The following OSBPL1A variants were observed in gnomAD, a reference collection of about 807,000 sequenced individuals.
The protein encoded by OSBPL1A is oxysterol-binding protein-related protein 1.
A neutral mutation model predicts 137.1 loss-of-function variants in OSBPL1A; 80 were observed. The observed-to-expected ratio is 0.58, with a 90% CI of 0.49 to 0.70. The LOEUF (loss-of-function observed/expected upper bound fraction) is 0.70, where lower values mean the gene tolerates loss of function less well. Among genes scored for constraint, OSBPL1A ranks in the 30% least tolerant of loss-of-function variants. OSBPL1A has a pLI of 0.00. For missense variants in OSBPL1A, 970 were observed against 1,129.4 expected (o/e 0.86, Z 2.02); for synonymous variants, 365 against 389.7 (o/e 0.94, Z 0.75).
intron 4 of OSBPL1A, among the ~76,000 whole-genome samples, chr18:24,348,402 G>GTAT (rs1008545309): frequency 2.0e-5 from 3 of 152,034 alleles, no homozygotes; most frequent in African/African-American, 7.2e-5. Flanking sequence ...TACGAGGAAG[G>GTAT]TATTATTATT....
At chr18:24,389,418 CT>C (rs1400955513) in intron 1 of OSBPL1A, among the ~76,000 whole-genome samples, 1 of 152,040 alleles carries the variant, frequency 6.6e-6, no homozygotes, top group African/African-American at 2.4e-5. Flanking sequence ...ATTTTGTTGC[CT>C]TATAAATATC....
chr18:24,294,839 C>T (rs1044480759), intron 14 of OSBPL1A, among the ~76,000 whole-genome samples: 5 of 152,196 alleles, frequency 3.3e-5, no homozygotes, highest in African/African-American at 1.2e-4. Context: ...GTTGGTCCCA[C>T]ATCTTTTGCA....
intron 14 of OSBPL1A, among the ~76,000 whole-genome samples, chr18:24,284,767 T>C (rs1242601745): frequency 6.6e-6 from 1 of 151,812 alleles, no homozygotes; most frequent in Non-Finnish European, 1.5e-5. Flanking sequence ...TATTGGATGT[T>C]GAATGCTGAA....
chr18:24,346,716 A>C (rs1275957077), intron 4 of OSBPL1A, among the ~76,000 whole-genome samples: 3 of 152,130 alleles, frequency 2.0e-5, no homozygotes, highest in African/African-American at 7.2e-5. Context: ...TAACTAATGA[A>C]TATTCGAGTC....
At chr18:24,287,415 G>A (rs2090084337) in intron 14 of OSBPL1A, among the ~76,000 whole-genome samples, 1 of 152,206 alleles carries the variant, frequency 6.6e-6, no homozygotes, top group Non-Finnish European at 1.5e-5. Context: ...TGACATAAGA[G>A]AGTTTATCCA....
intron 5 of OSBPL1A, among the ~76,000 whole-genome samples, chr18:24,337,685 T>A (rs1349249830): frequency 6.6e-6 from 1 of 151,510 alleles, no homozygotes; most frequent in Non-Finnish European, 1.5e-5. Flanking sequence ...CTGGATTAGA[T>A]CCTAGAATCT....
chr18:24,341,774 G>A, intron 4 of OSBPL1A, 116 bp from the exon 5 acceptor site: 1 of 603,828 alleles, frequency 1.7e-6, no homozygotes, highest in Non-Finnish European at 2.9e-6. Context: ...CACCAGGTGA[G>A]AATGTATCAC....
At chr18:24,341,503 T>TA in intron 5 of OSBPL1A, 44 bp downstream of exon 5, 1 of 1,458,722 alleles carries the variant, frequency 6.9e-7, no homozygotes, top group South Asian at 1.2e-5. Flanking sequence ...ACCTTGGTTA[T>TA]AATGAAAGTA....
intron 21 of OSBPL1A, among the ~76,000 whole-genome samples, chr18:24,175,951 A>AT (rs892337111): frequency 3.3e-5 from 5 of 152,300 alleles, no homozygotes; most frequent in South Asian, 2.1e-4. Flanking sequence ...AACTGACCAC[A>AT]TTTCTGCGGG....
chr18:24,218,451 TTG>T (rs2087775866), intron 17 of OSBPL1A: 1 of 152,066 alleles, frequency 6.6e-6, no homozygotes, highest in Admixed American at 6.6e-5. Flanking sequence ...GGTTTTTGTT[TTG>T]TTTTTTTTGA....
intron 14 of OSBPL1A, chr18:24,302,749 G>A (rs1292253222): frequency 6.6e-6 from 1 of 152,052 alleles, no homozygotes; most frequent in Non-Finnish European, 1.5e-5. Context: ...CAACTCTTGA[G>A]AACTCATAAT....
At chr18:24,166,554 G>A in intron 26 of OSBPL1A, 25 bp downstream of exon 26, 1 of 1,595,018 alleles carries the variant, frequency 6.3e-7, no homozygotes, top group Non-Finnish European at 8.5e-7. Flanking sequence ...AGTCTTCACT[G>A]GTGGCTTTGG....
intron 21 of OSBPL1A, among the ~76,000 whole-genome samples, chr18:24,176,753 T>C (rs2086458644): frequency 6.6e-6 from 1 of 152,216 alleles, no homozygotes; most frequent in Non-Finnish European, 1.5e-5. Context: ...CACCCCTCAA[T>C]AGCCATCCAG....
intron 13 of OSBPL1A, 44 bp from the exon 14 acceptor site, chr18:24,303,762 A>C: frequency 6.8e-7 from 1 of 1,480,282 alleles, no homozygotes. Flanking sequence ...GTAATAAAAG[A>C]TTTTACATTA....
intron 15 of OSBPL1A, among the ~76,000 whole-genome samples, chr18:24,266,227 C>T (rs1339430128): frequency 6.6e-6 from 1 of 152,168 alleles, no homozygotes; most frequent in Non-Finnish European, 1.5e-5. Flanking sequence ...TCCTCCCTGG[C>T]TTTCCCCACG....
At chr18:24,334,118 A>G in intron 6 of OSBPL1A, 127 bp downstream of exon 6, 2 of 648,302 alleles carry the variant, frequency 3.1e-6, no homozygotes, top group East Asian at 5.9e-5. Context: ...TGGTTCTACT[A>G]TTATGATCTC....
At chr18:24,291,410 A>C (rs2090171674) in intron 14 of OSBPL1A, among the ~76,000 whole-genome samples, 1 of 152,166 alleles carries the variant, frequency 6.6e-6, no homozygotes, top group Non-Finnish European at 1.5e-5. Flanking sequence ...AGAAAAACTG[A>C]CTAAATTGAG....
intron 15 of OSBPL1A, among the ~76,000 whole-genome samples, chr18:24,254,374 C>T (rs1023289808): frequency 6.6e-6 from 1 of 152,156 alleles, no homozygotes; most frequent in East Asian, 1.9e-4. Context: ...CCAAACATTT[C>T]ATCCAATGGC....
intron 15 of OSBPL1A, among the ~76,000 whole-genome samples, chr18:24,257,508 C>T (rs2089317235): frequency 6.6e-6 from 1 of 152,108 alleles, no homozygotes; most frequent in Non-Finnish European, 1.5e-5. Flanking sequence ...AAATCTAAGA[C>T]CTCAGACTAT....
Sources: allele counts gnomAD v4.1 joint callset (sites outside exome capture counted in the v4.1 genomes callset), GRCh38; gene constraint gnomAD v4.1.1; transcripts MANE v1.5; gene names NCBI Gene and HGNC (gene_info 2026-07-23, HGNC 2026-07-21).